The following SNX6 variants were observed in gnomAD, a reference collection of about 807,000 sequenced individuals.
SNX6 encodes the protein sorting nexin-6.
Under a neutral mutation model 63.0 loss-of-function variants are expected in SNX6, and 34 were observed. That is an observed-to-expected ratio of 0.54 (90% CI 0.41 to 0.72). SNX6 has a LOEUF of 0.72. SNX6 is among the 30% of genes least tolerant of loss of function. The pLI, the probability that SNX6 is intolerant of heterozygous loss-of-function variation, is 0.00. For synonymous variants in SNX6, 170 were observed against 164.2 expected, an observed-to-expected ratio of 1.04 and a Z score of -0.27; for missense variants, 398 against 471.4, an observed-to-expected ratio of 0.84 and a Z score of 1.44.
In SNX6 at chr14:34,593,574, C is replaced by CT. The variant is rs397852358; in HGVS notation, c.613-425dup. Among the ~76,000 whole-genome samples, 478 of 131,666 alleles carry CT rather than the reference C, an allele frequency of 3.6e-3. 2 individuals are homozygous for CT. Among genetic ancestry groups the CT allele is most frequent in the East Asian group, 0.016 (71 of 4,526 alleles). 86.4% of individuals were successfully genotyped at this position (131,666 alleles called of 152,430 possible). On this transcript the variant is annotated intron_variant, in intron 7 of 13. Coordinates refer to ENST00000362031, the MANE Select transcript of SNX6 (RefSeq NM_152233.4). ...CCACCACACCCAGCTAATTTCTTTT[C>CT]TTTTTTTTTTTTTTTTTAGGCAAAG...
chr14:34,608,496 T>TA (rs1310840053), intron 3 of SNX6, among the ~76,000 whole-genome samples: 7 of 152,150 alleles, frequency 4.6e-5, no homozygotes, highest in African/African-American at 1.7e-4. Context: ...TTCTATCATT[T>TA]AAAAAAATTC....
intron 13 of SNX6, 140 bp from the exon 14 acceptor site, chr14:34,563,315 C>G: frequency 2.8e-6 from 2 of 709,880 alleles, no homozygotes; most frequent in Non-Finnish European, 2.3e-6. Context: ...TCCCAGCACT[C>G]TGGGAGGCCG....
chr14:34,605,648 C>G lies in SNX6; in HGVS notation c.340G>C (p.Glu114Gln), dbSNP rs769863864. ...AATTCTTCCTTCGTCATTGACCCTT[C>G]TCCTTCACCAAGCTTCTGTAGTTTT... ...REKLQKLGEG[E>Q]GSMTKEEFTK... The change falls in exon 5 of 14, where the codon GAA (glutamate) becomes CAA (glutamine). Residue 114 changes from glutamate to glutamine, a missense_variant. Coordinates refer to ENST00000362031, the MANE Select transcript of SNX6 (RefSeq NM_152233.4). The G allele has an allele frequency of 6.2e-7, 1 of 1,610,676 alleles. No individual in the cohort carries two copies. The highest frequency in any genetic ancestry group is 1.1e-5 in the South Asian group (1 of 90,408).
At position 34,604,165 on chromosome 14, in the gene SNX6, A is replaced by C. The variant is rs558261898; in HGVS notation, c.393-694T>G. 312 of 1,285,628 alleles carry C rather than the reference A, an allele frequency of 2.4e-4. No homozygotes were observed. The African/African-American group carries it at 3.8e-3, about 16-fold the overall frequency. The allele number at this position is 1,285,628 out of a possible 1,614,324, so 79.6% of individuals were successfully genotyped here. A position where few individuals can be genotyped will look rare whatever the true frequency, so the allele number is the denominator to read the frequency against. Reference sequence around the variant, plus strand: ...AACCAGCAGGACCAATGATGGGAGAAGTTTGATCTCTGTGAGGGTAGTCAT... The same window carrying C: ...AACCAGCAGGACCAATGATGGGAGACGTTTGATCTCTGTGAGGGTAGTCAT... On this transcript the variant is annotated intron_variant, in intron 5 of 13. Coordinates refer to ENST00000362031, the MANE Select transcript of SNX6 (RefSeq NM_152233.4).
At chr14:34,594,863 C>T (rs983666623) in intron 7 of SNX6, among the ~76,000 whole-genome samples, 1 of 151,870 alleles carries the variant, frequency 6.6e-6, no homozygotes, top group South Asian at 2.1e-4. Flanking sequence ...TTGGGGAGGC[C>T]GAGGTGGGCA....
chr14:34,609,907 G>A (rs116147865), intron 2 of SNX6, among the ~76,000 whole-genome samples, 165 bp from the exon 3 acceptor site: 376 of 152,270 alleles, frequency 2.5e-3, no homozygotes, highest in African/African-American at 8.7e-3. Context: ...TGAAGCAGCT[G>A]CTTTGGGCAA....
At chr14:34,593,295 C>T in intron 7 of SNX6, 145 bp from the exon 8 acceptor site, 1 of 578,424 alleles carries the variant, frequency 1.7e-6, no homozygotes, top group Non-Finnish European at 3.0e-6. Flanking sequence ...ATTTCACCAA[C>T]AAGACTTTAA....
At chr14:34,597,182 C>T (rs931711592) in intron 7 of SNX6, among the ~76,000 whole-genome samples, 5 of 152,198 alleles carry the variant, frequency 3.3e-5, no homozygotes, top group African/African-American at 1.2e-4. Context: ...CATGGTAACC[C>T]CTTAACCACT....
intron 8 of SNX6, among the ~76,000 whole-genome samples, chr14:34,588,063 A>G (rs1317717001): frequency 6.7e-6 from 1 of 149,878 alleles, no homozygotes; most frequent in Non-Finnish European, 1.5e-5. Context: ...GCTGGAGTGC[A>G]GTGGCACAAT....
At chr14:34,584,221 A>G (rs923965501) in intron 9 of SNX6, among the ~76,000 whole-genome samples, 6 of 152,174 alleles carry the variant, frequency 3.9e-5, no homozygotes, top group African/African-American at 1.4e-4. Flanking sequence ...TCTGAGACAG[A>G]ATACACTAGA....
At chr14:34,629,092 T>A (rs1220248447) in intron 2 of SNX6, among the ~76,000 whole-genome samples, 1 of 151,158 alleles carries the variant, frequency 6.6e-6, no homozygotes, top group African/African-American at 2.4e-5. Context: ...TCGATGTTGG[T>A]CAAAGGGTAC....
In SNX6 at chr14:34,629,878, C is replaced by T. The variant is rs368718581; in HGVS notation, c.54+29G>A. 18 of 1,552,504 alleles carry T rather than the reference C, an allele frequency of 1.2e-5. No homozygotes were observed. In the East Asian group the frequency reaches 1.2e-4, roughly 10 times the overall value. ...AGGATGGGGAAGGAGGGTCCAGGGTCCCGCGAGCGAAAGGAAGGCAGAACT... is the reference window on the plus strand; with the variant it reads ...AGGATGGGGAAGGAGGGTCCAGGGTTCCGCGAGCGAAAGGAAGGCAGAACT... On this transcript the variant is annotated intron_variant, in intron 2 of 13. Transcript: ENST00000362031.
chr14:34,625,407 CACAA>C (rs1883788585), intron 2 of SNX6, among the ~76,000 whole-genome samples: 1 of 152,100 alleles, frequency 6.6e-6, no homozygotes, highest in South Asian at 2.1e-4. Flanking sequence ...AATTTCAGTG[CACAA>C]ACAGAAACTC....
rs1196144285 is a variant in SNX6 at position 34,609,566 on chromosome 14, AG to A, written c.159+71del. ...TCTTTCCAATTATGTTTAAAACCCA[AG>A]TCTGGTCAACATATCACATATGTAG... On this transcript the variant is annotated intron_variant, in intron 3 of 13. Transcript: ENST00000362031. 5.2e-6 allele frequency: 4 copies of A among 769,676 alleles called. No individual in the cohort carries two copies. The African/African-American group carries it at 7.1e-5, about 14-fold the overall frequency. The allele number at this position is 769,676 out of a possible 1,614,324, so 47.7% of individuals were successfully genotyped here. A position where few individuals can be genotyped will look rare whatever the true frequency, so the allele number is the denominator to read the frequency against.
intron 10 of SNX6, among the ~76,000 whole-genome samples, chr14:34,580,520 C>T (rs531242276): frequency 7.7e-4 from 117 of 151,998 alleles, no homozygotes; most frequent in Non-Finnish European, 1.5e-3. Flanking sequence ...CCAAGCTGGT[C>T]GAACTCCTGG....
intron 13 of SNX6, among the ~76,000 whole-genome samples, chr14:34,564,222 T>C (rs531452196): frequency 1.8e-4 from 27 of 152,040 alleles, no homozygotes; most frequent in Admixed American, 4.6e-4. Context: ...GAGACGGGGT[T>C]ACACTATGTT....
intron 6 of SNX6, among the ~76,000 whole-genome samples, chr14:34,601,639 G>C (rs1398299654): frequency 6.6e-6 from 1 of 151,488 alleles, no homozygotes; most frequent in Non-Finnish European, 1.5e-5. Flanking sequence ...TTGTCCCCCA[G>C]GCTGGAGTGC....
At chr14:34,584,172 A>G (rs1166143835) in intron 9 of SNX6, among the ~76,000 whole-genome samples, 1 of 152,164 alleles carries the variant, frequency 6.6e-6, no homozygotes, top group Non-Finnish European at 1.5e-5. Context: ...AGTGTAAGCT[A>G]TCATACCTTG....
At chr14:34,604,286 GA>G in intron 5 of SNX6, 1 of 1,253,450 alleles carries the variant, frequency 8.0e-7, no homozygotes, top group Non-Finnish European at 1.0e-6. Context: ...GACCACAAAA[GA>G]ATCATGATCA....
Sources: gnomAD v4.1 joint callset for allele counts (sites outside exome capture counted in the v4.1 genomes callset) on GRCh38, gnomAD v4.1.1 for gene constraint, MANE v1.5 for transcripts, NCBI Gene and HGNC (gene_info 2026-07-23, HGNC 2026-07-21) for gene names.